The following NACC2 variants were observed in gnomAD, a reference collection of about 807,000 sequenced individuals.
NACC2 encodes NACC family member 2, also known as nucleus accumbens-associated protein 2.
In NACC2, 8 loss-of-function variants were observed where a neutral mutation model predicts 25.1. That is an observed-to-expected ratio of 0.32 (90% CI 0.19 to 0.57). The LOEUF is 0.57. Among genes scored for constraint, NACC2 ranks in the 20% least tolerant of loss-of-function variants. The pLI, the probability that NACC2 is intolerant of heterozygous loss-of-function variation, is 0.89. For synonymous variants in NACC2, 435 were observed against 294.7 expected (o/e 1.48, Z -4.88); for missense variants, 644 against 650.2 (o/e 0.99, Z 0.10).
chr9:136,041,441 GA>G (rs1311949776), intron 2 of NACC2, among the ~76,000 whole-genome samples: 2 of 151,198 alleles, frequency 1.3e-5, no homozygotes, highest in Non-Finnish European at 1.5e-5. Flanking sequence ...AAGAAATAAA[GA>G]AAAAAATGAA....
Position 136,013,526 on chromosome 9 carries a change from C to T in NACC2, c.1158-230G>A, listed in dbSNP as rs1840146431. ...TGATGGGGCTGCAAGGTGACCTGAG[C>T]CTTGTCCTCAGGGACTCCGGGGACG... On this transcript the variant is annotated intron_variant, in intron 4 of 5. Transcript: ENST00000277554. This position sits in a 1 kb window ranked among gnomAD's most constrained non-coding sequence, Gnocchi z 6.6. Among the ~76,000 whole-genome samples, 1 of 152,202 alleles carries T rather than the reference C, an allele frequency of 6.6e-6. No individual in the cohort carries two copies. The highest frequency in any genetic ancestry group is 1.5e-5 in the Non-Finnish European group (1 of 68,044).
intron 2 of NACC2, among the ~76,000 whole-genome samples, chr9:136,023,230 G>C (rs1012488884): frequency 4.0e-5 from 6 of 151,234 alleles, no homozygotes; most frequent in African/African-American, 1.5e-4. Flanking sequence ...CCACACTCAT[G>C]GGTGCAGCTG....
At chr9:136,082,084 A>T (rs1830329978) in intron 1 of NACC2, among the ~76,000 whole-genome samples, 1 of 152,066 alleles carries the variant, frequency 6.6e-6, no homozygotes, top group Non-Finnish European at 1.5e-5. Context: ...CATTCTCCAA[A>T]GACTCTCCAC....
intron 3 of NACC2, 87 bp downstream of exon 3, chr9:136,016,178 A>G: frequency 7.0e-7 from 1 of 1,419,366 alleles, no homozygotes; most frequent in Non-Finnish European, 9.7e-7. Flanking sequence ...ATTGGTGATG[A>G]GTACATTGTT....
rs1298902420 is a variant in NACC2, at chr9:136,049,864, G to A, written c.658C>T (p.Arg220Cys). 6 of 649,966 alleles carry A rather than the reference G, an allele frequency of 9.2e-6. No homozygotes were observed. The highest frequency in any genetic ancestry group is 4.8e-5 in the Admixed American group (2 of 41,524). The allele number at this position is 649,966 out of a possible 1,614,324, so 40.3% of individuals were successfully genotyped here. Reference sequence around the variant, plus strand: ...CTGGGCACCCCGTAGTAGGAGACACGGGGCAGTTTGAGAGGGGCTGTGCCC... The same window carrying A: ...CTGGGCACCCCGTAGTAGGAGACACAGGGCAGTTTGAGAGGGGCTGTGCCC... ...AAGTAPLKLP[R>C]VSYYGVPSLA... Residue 220 changes from arginine (R) to cysteine (C), a missense_variant, in exon 2 of 6, where the codon CGT becomes TGT. Physicochemically the swap from Arg to Cys is radical, Grantham distance 180. Coordinates refer to ENST00000277554, the MANE Select transcript of NACC2 (RefSeq NM_144653.5).
At chr9:136,073,822 T>C (rs756673993) in intron 1 of NACC2, among the ~76,000 whole-genome samples, 1 of 152,192 alleles carries the variant, frequency 6.6e-6, no homozygotes, top group Non-Finnish European at 1.5e-5. Flanking sequence ...TGCATTTGCG[T>C]CCAAGCAGGA....
At chr9:136,077,558 GAATTCTACA>G (rs1048323513) in intron 1 of NACC2, among the ~76,000 whole-genome samples, 7 of 152,186 alleles carry the variant, frequency 4.6e-5, no homozygotes, top group African/African-American at 1.2e-4. Context: ...AGTATGGAAA[GAATTCTACA>G]AATTCTACAA....
chr9:136,025,893 T>C (rs1244056928), intron 2 of NACC2, among the ~76,000 whole-genome samples: 2 of 151,208 alleles, frequency 1.3e-5, no homozygotes, highest in Non-Finnish European at 2.9e-5. Flanking sequence ...CCAGCCTGGG[T>C]GACAGAGCAA....
At chr9:136,031,414 T>C (rs1840470674) in intron 2 of NACC2, among the ~76,000 whole-genome samples, 1 of 152,176 alleles carries the variant, frequency 6.6e-6, no homozygotes, top group South Asian at 2.1e-4. Context: ...CTCGGCTCAC[T>C]GCAAACTCTG....
At chr9:136,032,700 C>T (rs1249960938) in intron 2 of NACC2, among the ~76,000 whole-genome samples, 1 of 152,166 alleles carries the variant, frequency 6.6e-6, no homozygotes, top group African/African-American at 2.4e-5. Context: ...AGTTCGAGAC[C>T]AGCCCATCCA....
chr9:136,011,686 C>A lies in NACC2; in HGVS notation c.1594G>T (p.Val532Leu). The change falls in exon 6 of 6, where the codon GTG (valine) becomes TTG (leucine). Residue 532 changes from valine to leucine, a missense_variant. Physicochemically the swap from Val to Leu is conservative, Grantham distance 32. Transcript: ENST00000277554. The part of the protein sequence containing the change: ...ANPAFDAGEE[V>L]DGAGSVIQEV... ...TGGATGACCGAGCCAGCCCCGTCCA[C>A]CTCCTCGCCGGCGTCGAAGGCGGGG... 1 of 1,467,648 alleles carries A rather than the reference C, an allele frequency of 6.8e-7. No individual in the cohort carries two copies. 90.9% of individuals were successfully genotyped at this position (1,467,648 alleles called of 1,614,324 possible). A position where few individuals can be genotyped will look rare whatever the true frequency, so the allele number is the denominator to read the frequency against.
chr9:136,047,541 C>CAG (rs1400269245), intron 2 of NACC2, among the ~76,000 whole-genome samples: 5 of 152,182 alleles, frequency 3.3e-5, no homozygotes, highest in Admixed American at 3.3e-4. Context: ...CGTGCAAAGG[C>CAG]AGAGAATGCC....
chr9:136,091,893 G>A (rs868391372), intron 1 of NACC2, among the ~76,000 whole-genome samples: 1 of 151,576 alleles, frequency 6.6e-6, no homozygotes. Context: ...TCCCTGCCCC[G>A]CAACAGAGGC....
In NACC2 at chr9:136,055,030, G is replaced by A. The variant is rs887365812; in HGVS notation, c.-59-4450C>T. ...CTCTGAGCCCACAAGCCACCCTCAG[G>A]AATAAGAAAATACAGGTGGCTGTGG... is the stretch of plus-strand genomic sequence containing the variant. On this transcript the variant is annotated intron_variant, in intron 1 of 5. Coordinates refer to ENST00000277554, the MANE Select transcript of NACC2 (RefSeq NM_144653.5). The surrounding 1 kb of genome is among the most constrained non-coding windows in gnomAD (Gnocchi z 4.9). Among the ~76,000 whole-genome samples, 39 of 152,050 alleles carry A rather than the reference G, an allele frequency of 2.6e-4. No homozygotes were observed. The highest frequency in any genetic ancestry group is 9.2e-4 in the African/African-American group (38 of 41,396).
chr9:136,090,635 A>T (rs1429181748), intron 1 of NACC2, among the ~76,000 whole-genome samples: 4 of 152,190 alleles, frequency 2.6e-5, no homozygotes, highest in Non-Finnish European at 5.9e-5. Flanking sequence ...CAGCCTCCAG[A>T]TTCCAACATC....
chr9:136,051,018 C>T (rs1840824245), intron 1 of NACC2, among the ~76,000 whole-genome samples: 2 of 152,178 alleles, frequency 1.3e-5, no homozygotes, highest in African/African-American at 2.4e-5. Flanking sequence ...AGGGGCCGCG[C>T]TGGAGCAGCG....
At chr9:136,075,524 G>A (rs1830253270) in intron 1 of NACC2, among the ~76,000 whole-genome samples, 1 of 152,230 alleles carries the variant, frequency 6.6e-6, no homozygotes, top group Non-Finnish European at 1.5e-5. Flanking sequence ...CAAACAGATC[G>A]CGCAGCTGGG....
At chr9:136,087,845 G>C (rs981896229) in intron 1 of NACC2, among the ~76,000 whole-genome samples, 2 of 152,206 alleles carry the variant, frequency 1.3e-5, no homozygotes, top group African/African-American at 2.4e-5. Context: ...GTCCTCCCCG[G>C]TCTGAGCTGC....
intron 2 of NACC2, among the ~76,000 whole-genome samples, chr9:136,044,656 A>G (rs1394283393): frequency 6.6e-6 from 1 of 152,218 alleles, no homozygotes; most frequent in Non-Finnish European, 1.5e-5. Context: ...TGCGATTTGC[A>G]TACTCAGCAA....
Sources: gnomAD v4.1 joint callset for allele counts (sites outside exome capture counted in the v4.1 genomes callset) on GRCh38, gnomAD v4.1.1 for gene constraint, Gnocchi (gnomAD v3.1) non-coding constraint, MANE v1.5 for transcripts, NCBI Gene and HGNC (gene_info 2026-07-23, HGNC 2026-07-21) for gene names.